KIRREL1: variants seen among roughly 807,000 people sequenced by gnomAD.
KIRREL1 encodes the protein kirre like nephrin family adhesion molecule 1, also known as kin of IRRE-like protein 1.
Under a neutral mutation model 83.3 loss-of-function variants are expected in KIRREL1, and 25 were observed. That is an observed-to-expected ratio of 0.30 (90% confidence interval 0.22 to 0.42). KIRREL1 has a LOEUF of 0.42. KIRREL1 is among the 10% of genes least tolerant of loss of function. The probability of loss-of-function intolerance (pLI) is 1.00; values close to 1 mark genes in which losing one functional copy is unlikely to be tolerated. For missense variants in KIRREL1, 812 were observed against 1,032.3 expected (o/e 0.79, Z 2.92); for synonymous variants, 388 against 410.4 (o/e 0.95, Z 0.66).
intron 1 of KIRREL1, among the ~76,000 whole-genome samples, chr1:158,038,485 CTTTTTTTTTTTT>C: frequency 1.5e-5 from 1 of 68,088 alleles, no homozygotes; most frequent in East Asian, 6.2e-4. Context: ...GGCTCTTCCT[CTTTTTTTTTTTT>C]TTTTTTTTTT....
chr1:158,004,856 A>G (rs1659471671), intron 1 of KIRREL1, among the ~76,000 whole-genome samples: 1 of 152,208 alleles, frequency 6.6e-6, no homozygotes, highest in African/African-American at 2.4e-5. Context: ...AGGTGGGAGG[A>G]TCACTTGAAC....
At chr1:158,034,283 AAAAG>A (rs2101677088) in intron 1 of KIRREL1, among the ~76,000 whole-genome samples, 2 of 126,298 alleles carry the variant, frequency 1.6e-5, no homozygotes, top group African/African-American at 6.3e-5. Context: ...AAAAAAAAAA[AAAAG>A]AAAAAAAGAA....
intron 1 of KIRREL1, among the ~76,000 whole-genome samples, chr1:158,052,414 T>C (rs1660931191): frequency 6.6e-6 from 1 of 152,166 alleles, no homozygotes; most frequent in African/African-American, 2.4e-5. Context: ...TCCTTACTTT[T>C]ATCATTGTAC....
At chr1:158,019,955 T>A (rs1185029372) in intron 1 of KIRREL1, among the ~76,000 whole-genome samples, 1 of 152,158 alleles carries the variant, frequency 6.6e-6, no homozygotes, top group African/African-American at 2.4e-5. Context: ...AAAAATAGAC[T>A]GCTGTGGCCC....
At chr1:158,089,850 C>T (rs1253699850) in intron 10 of KIRREL1, 32 bp downstream of exon 10, 1 of 1,584,124 alleles carries the variant, frequency 6.3e-7, no homozygotes, top group African/African-American at 1.3e-5. Context: ...GGACAGCCAG[C>T]CCTCCCTGCT....
chr1:158,085,596 T>G (rs1302367584), intron 4 of KIRREL1, among the ~76,000 whole-genome samples: 1 of 152,212 alleles, frequency 6.6e-6, no homozygotes, highest in African/African-American at 2.4e-5. Context: ...ATTTTTCATA[T>G]TCATTAAAGA....
chr1:158,003,425 T>C (rs1659423848), intron 1 of KIRREL1, among the ~76,000 whole-genome samples: 1 of 152,146 alleles, frequency 6.6e-6, no homozygotes, highest in South Asian at 2.1e-4. Flanking sequence ...TGGGTTTTAA[T>C]CCAAAACCTT....
intron 1 of KIRREL1, among the ~76,000 whole-genome samples, chr1:158,003,218 G>A (rs532265792): frequency 1.3e-4 from 20 of 152,242 alleles, no homozygotes; most frequent in Admixed American, 3.9e-4. Flanking sequence ...TAACTGGGAG[G>A]TTATTAAAAG....
At chr1:158,057,040 T>C (rs1661084604) in intron 1 of KIRREL1, among the ~76,000 whole-genome samples, 1 of 152,190 alleles carries the variant, frequency 6.6e-6, no homozygotes, top group Non-Finnish European at 1.5e-5. Context: ...CCAGCATTCC[T>C]TCCTTCGTTC....
Position 158,093,604 on chromosome 1 carries a change from G to T in KIRREL1, c.1580-19G>T. ...GACCAGCAGGAAGCACTTGTTCCAG[G>T]CTGCCTCTCCCGTCCCAGGTCGCAA... On this transcript the variant is annotated intron_variant, in intron 12 of 14. Coordinates refer to ENST00000359209, the MANE Select transcript of KIRREL1 (RefSeq NM_018240.7). The T allele has an allele frequency of 6.2e-7, 1 of 1,613,940 alleles. No individual in the cohort carries two copies. The highest frequency in any genetic ancestry group is 8.5e-7 in the Non-Finnish European group (1 of 1,179,928).
intron 2 of KIRREL1, 98 bp from the exon 3 acceptor site, chr1:158,077,892 TG>T: frequency 7.4e-7 from 1 of 1,347,308 alleles, no homozygotes; most frequent in African/African-American, 1.4e-5. Flanking sequence ...CACCTGTCAG[TG>T]GTGTCCCAGG....
intron 1 of KIRREL1, among the ~76,000 whole-genome samples, chr1:158,032,815 G>A (rs1293992315): frequency 6.6e-6 from 1 of 152,134 alleles, no homozygotes; most frequent in Non-Finnish European, 1.5e-5. Flanking sequence ...CTGTTGCCCA[G>A]GATGGAGTGC....
At chr1:158,091,892 G>A (rs1394366860) in intron 11 of KIRREL1, among the ~76,000 whole-genome samples, 1 of 152,188 alleles carries the variant, frequency 6.6e-6, no homozygotes, top group East Asian at 1.9e-4. Flanking sequence ...TCTGCCCCAG[G>A]GGCTGCAGAA....
chr1:158,037,602 A>G (rs1157409275), intron 1 of KIRREL1, among the ~76,000 whole-genome samples: 2 of 151,940 alleles, frequency 1.3e-5, no homozygotes, highest in Non-Finnish European at 2.9e-5. Context: ...CCTGGCTTAT[A>G]TACGTGTTCA....
chr1:158,078,206 A>C, intron 3 of KIRREL1, 66 bp downstream of exon 3: 2 of 1,502,568 alleles, frequency 1.3e-6, no homozygotes, highest in Non-Finnish European at 1.8e-6. Flanking sequence ...AGTCTCTCCC[A>C]CTCTCCAGTT....
intron 1 of KIRREL1, among the ~76,000 whole-genome samples, chr1:158,039,629 G>A (rs1215649462): frequency 6.6e-6 from 1 of 152,166 alleles, no homozygotes; most frequent in East Asian, 1.9e-4. Flanking sequence ...CATGCCAATT[G>A]TTCCTGAACC....
intron 1 of KIRREL1, among the ~76,000 whole-genome samples, chr1:158,060,875 C>T (rs1451884247): frequency 1.3e-5 from 2 of 152,102 alleles, no homozygotes; most frequent in African/African-American, 2.4e-5. Context: ...GTTTAGGGCA[C>T]ATTTAGGGGG....
chr1:158,071,511 T>G (rs58735137), intron 1 of KIRREL1, among the ~76,000 whole-genome samples: 3,656 of 152,298 alleles, frequency 0.024, 148 homozygotes, highest in African/African-American at 0.082. Flanking sequence ...GGAATACACT[T>G]AAAACATACG....
At chr1:158,000,090 G>C (rs902096118) in intron 1 of KIRREL1, among the ~76,000 whole-genome samples, 9 of 152,044 alleles carry the variant, frequency 5.9e-5, no homozygotes, top group Admixed American at 1.3e-4. Flanking sequence ...ATAATTCCTA[G>C]AAGGAAGACT....
Sources: allele counts gnomAD v4.1 joint callset (sites outside exome capture counted in the v4.1 genomes callset), GRCh38; gene constraint gnomAD v4.1.1; transcripts MANE v1.5; gene names NCBI Gene and HGNC (gene_info 2026-07-23, HGNC 2026-07-21).